SPATA20: variants seen among roughly 807,000 people sequenced by gnomAD.
SPATA20 encodes the protein spermatogenesis-associated protein 20.
Under a neutral mutation model 98.9 loss-of-function variants are expected in SPATA20, and 74 were observed. That is an observed-to-expected ratio of 0.75 (90% CI 0.62 to 0.91). The LOEUF (loss-of-function observed/expected upper bound fraction) is 0.91, where lower values mean the gene tolerates loss of function less well. Among genes scored for constraint, SPATA20 ranks in the 40% least tolerant of loss-of-function variants. The pLI, the probability that SPATA20 is intolerant of heterozygous loss-of-function variation, is 0.00. For missense variants in SPATA20, 1,016 were observed against 1,069.8 expected (o/e 0.95, Z 0.70); for synonymous variants, 430 against 440.5 (o/e 0.98, Z 0.30).
intron 13 of SPATA20, 123 bp downstream of exon 13, chr17:50,551,802 G>A (rs960142239): frequency 7.8e-7 from 1 of 1,278,412 alleles, no homozygotes; most frequent in South Asian, 1.5e-5. Context: ...CTGTGAGTTT[G>A]TAGCTTCCCT....
intron 12 of SPATA20, 157 bp from the exon 13 acceptor site, chr17:50,551,354 G>A (rs1009890230): frequency 2.1e-5 from 24 of 1,168,712 alleles, no homozygotes; most frequent in Middle Eastern, 2.7e-4. Context: ...AAGGTCACGC[G>A]CAAGGGCTGG....
chr17:50,551,048 G>A lies in SPATA20; in HGVS notation c.1434G>A (p.Ser478=), dbSNP rs747156020. The stretch of plus-strand genomic sequence containing the variant: ...AGAATGTGCTGACCGTCCGGTACTC[G>A]CTGGAGCTGACTGCTGCCCGCTTTG... ...QGQNVLTVRY[S]LELTAARFGL... Residue 478 remains serine, a synonymous_variant, in exon 12 of 17, where the codon TCG becomes TCA. Transcript: ENST00000006658. The A allele has an allele frequency of 6.2e-6, 10 of 1,613,310 alleles. No individual in the cohort carries two copies. Among genetic ancestry groups the A allele is most frequent in the South Asian group, 5.5e-5 (5 of 91,086 alleles).
rs1385984088 is a variant in SPATA20 at position 50,547,226 on chromosome 17, C to T, written c.18C>T (p.Ala6=). Residue 6 remains alanine (A), a synonymous_variant, in exon 1 of 17, where the codon GCC becomes GCT. Coordinates refer to ENST00000006658, the MANE Select transcript of SPATA20 (RefSeq NM_022827.4). MLGAR[A]WLGRVLLLPR... Reference sequence around the variant, plus strand: ...GAGCAGCCATGCTGGGCGCGCGGGCCTGGTTGGGCCGCGTCCTTCTGCTGC... The same window carrying T: ...GAGCAGCCATGCTGGGCGCGCGGGCTTGGTTGGGCCGCGTCCTTCTGCTGC... 5 of 1,416,778 alleles carry T rather than the reference C, an allele frequency of 3.5e-6. No individual in the cohort carries two copies. Among genetic ancestry groups the T allele is most frequent in the Non-Finnish European group, 4.6e-6 (5 of 1,095,344 alleles). 87.8% of individuals were successfully genotyped at this position (1,416,778 alleles called of 1,614,324 possible). A position where few individuals can be genotyped will look rare whatever the true frequency, so the allele number is the denominator to read the frequency against.
chr17:50,552,315 A>AAT (rs1239843405), intron 14 of SPATA20, 135 bp downstream of exon 14: 2 of 694,824 alleles, frequency 2.9e-6, no homozygotes, highest in Non-Finnish European at 4.7e-6. Context: ...TGGCTGCTGT[A>AAT]ATATTTCTGT....
rs146830271 is a variant in SPATA20, at chr17:50,548,308, C to T, written c.151C>T (p.Arg51Ter). ...SRGSSSRDKD[R>*]SATVSSSVPM... ...GGGTAGCTCCTCCCGGGACAAGGAC[C>T]GAAGTGCGACGGTCAGTAGTTCAGT... The change falls in exon 3 of 17, where the codon CGA becomes TGA. Residue 51 changes from arginine (R) to a stop codon, truncating the protein, a stop_gained. Transcript: ENST00000006658. LOFTEE classifies it high-confidence loss of function. 1.8e-4 allele frequency: 296 copies of T among 1,613,608 alleles called. 1 individual carries two copies. Among genetic ancestry groups the T allele is most frequent in the African/African-American group, 1.7e-3 (127 of 74,982 alleles).
In SPATA20 at chr17:50,550,532, T is replaced by C; in HGVS notation, c.1099-4T>C. The C allele has an allele frequency of 6.2e-7, 1 of 1,613,980 alleles. No individual in the cohort carries two copies. Among genetic ancestry groups the C allele is most frequent in the Non-Finnish European group, 8.5e-7 (1 of 1,179,860 alleles). On this transcript the variant is annotated splice_polypyrimidine_tract_variant and splice_region_variant and intron_variant, in intron 9 of 16. Transcript: ENST00000006658. Reference sequence around the variant, plus strand: ...TTCACAGTCTCCTTTCTTCCCTTTCTTAGCTCTCTGGTGATGAATTCTACT... The same window carrying C: ...TTCACAGTCTCCTTTCTTCCCTTTCCTAGCTCTCTGGTGATGAATTCTACT...
rs1033189592 is a variant in SPATA20 at position 50,549,045 on chromosome 17, C to T, written c.519C>T (p.Ala173=). ...VDKVYMTFVQ[A]TSSGGGWPMN... is the part of the protein sequence containing the mutation. ...CACCCTCGCCCTCTCTCCGCCAGGC[C>T]ACCAGCAGCGGCGGGGGCTGGCCCA... Residue 173 remains alanine, a splice_region_variant and synonymous_variant, in exon 6 of 17, where the codon GCC becomes GCT. Coordinates refer to ENST00000006658, the MANE Select transcript of SPATA20 (RefSeq NM_022827.4). The T allele has an allele frequency of 3.1e-6, 5 of 1,613,782 alleles. No homozygotes were observed. Among genetic ancestry groups the T allele is most frequent in the Middle Eastern group, 1.6e-4 (1 of 6,062 alleles).
chr17:50,555,249 C>T lies in SPATA20; in HGVS notation c.2175C>T (p.Asp725=), dbSNP rs1347786138. 3.7e-6 allele frequency: 6 copies of T among 1,613,794 alleles called. No individual in the cohort carries two copies. The African/African-American group carries it at 8.0e-5, about 22-fold the overall frequency. The part of the protein sequence containing the change: ...QTLKQIVICG[D]RQAKDTKALV... ...CCGGTCAGATCGTGATCTGTGGAGA[C>T]CGTCAGGCCAAGGACACCAAGGCCC... The change falls in exon 16 of 17, where the codon GAC becomes GAT. Residue 725 remains aspartate (D), a synonymous_variant. Coordinates refer to ENST00000006658, the MANE Select transcript of SPATA20 (RefSeq NM_022827.4).
chr17:50,548,643 T>C (rs1037637854), intron 4 of SPATA20, 25 bp downstream of exon 4: 2 of 1,609,734 alleles, frequency 1.2e-6, no homozygotes, highest in African/African-American at 1.3e-5. Context: ...TTCCCTGATG[T>C]GGGGGTGTGG....
chr17:50,549,089 C>G lies in SPATA20; in HGVS notation c.563C>G (p.Pro188Arg), dbSNP rs1357424054. 6.2e-7 allele frequency: 1 copy of G among 1,613,642 alleles called. No homozygotes were observed. Among genetic ancestry groups the G allele is most frequent in the Non-Finnish European group, 8.5e-7 (1 of 1,179,970 alleles). The change falls in exon 6 of 17, where the codon CCC (proline) becomes CGC (arginine). Residue 188 changes from proline to arginine, a missense_variant. Physicochemically the swap from Pro to Arg is moderately radical, Grantham distance 103 (BLOSUM62 -2). Coordinates refer to ENST00000006658, the MANE Select transcript of SPATA20 (RefSeq NM_022827.4). ...GGWPMNVWLT[P>R]NLQPFVGGTY... ...TGGCCCATGAATGTGTGGCTGACTCCCAACCTCCAGCCCTTTGTCGGGGGC... is the reference window on the plus strand; with the variant it reads ...TGGCCCATGAATGTGTGGCTGACTCGCAACCTCCAGCCCTTTGTCGGGGGC...
chr17:50,554,549 C>A, intron 15 of SPATA20, 99 bp downstream of exon 15: 1 of 1,265,938 alleles, frequency 7.9e-7, no homozygotes, highest in Non-Finnish European at 1.1e-6. Flanking sequence ...GGGCTGTCCC[C>A]AGAGCTCAGG....
Position 50,547,235 on chromosome 17 carries a change from C to A in SPATA20, c.27C>A (p.Gly9=). Residue 9 remains glycine (G), a synonymous_variant, in exon 1 of 17, where the codon GGC becomes GGA. Transcript: ENST00000006658. MLGARAWL[G]RVLLLPRAGA... ...TGCTGGGCGCGCGGGCCTGGTTGGG[C>A]CGCGTCCTTCTGCTGCCCCGCGCCG... The A allele has an allele frequency of 1.4e-6, 2 of 1,408,212 alleles. No homozygotes were observed. The highest frequency in any genetic ancestry group is 3.1e-5 in the South Asian group (2 of 64,386). The allele number at this position is 1,408,212 out of a possible 1,614,324, so 87.2% of individuals were successfully genotyped here.
chr17:50,554,458 G>C lies in SPATA20; in HGVS notation c.2157+8G>C, dbSNP rs1191275365. ...CAGCAGACCCTCAAGCAGGTGGGGG[G>C]TGAGGGCATCTGGGCTGGGACCTCG... On this transcript the variant is annotated splice_region_variant and intron_variant, in intron 15 of 16. Coordinates refer to ENST00000006658, the MANE Select transcript of SPATA20 (RefSeq NM_022827.4). The C allele has an allele frequency of 3.1e-6, 5 of 1,608,958 alleles. No individual in the cohort carries two copies. The East Asian group carries it at 6.7e-5, about 22-fold the overall frequency.
At position 50,551,356 on chromosome 17, in the gene SPATA20, A is replaced by C. The variant is rs2035012426; in HGVS notation, c.1577-155A>C. The C allele has an allele frequency of 3.4e-6, 4 of 1,173,202 alleles. No individual in the cohort carries two copies. The Admixed American group carries it at 7.6e-5, about 22-fold the overall frequency. The allele number at this position is 1,173,202 out of a possible 1,614,324, so 72.7% of individuals were successfully genotyped here. A position where few individuals can be genotyped will look rare whatever the true frequency, so the allele number is the denominator to read the frequency against. On this transcript the variant is annotated intron_variant, in intron 12 of 16. Coordinates refer to ENST00000006658, the MANE Select transcript of SPATA20 (RefSeq NM_022827.4). ...GAGTAACCCGCCCAAGGTCACGCGC[A>C]AGGGCTGGGAACCCCGCCATGTCTG...
rs758481811 is a variant in SPATA20, at chr17:50,554,216, C to T, written c.1958-35C>T. 3.7e-6 allele frequency: 6 copies of T among 1,604,778 alleles called. No homozygotes were observed. The East Asian group carries it at 1.3e-4, about 36-fold the overall frequency. ...GGGTCCTGGGACTCAGTGACCTGCC[C>T]TTACCCCCACCCCCTGCCTCCCTAT... On this transcript the variant is annotated intron_variant, in intron 14 of 16. Transcript: ENST00000006658.
At chr17:50,552,246 G>A in intron 14 of SPATA20, 66 bp downstream of exon 14, 1 of 1,390,264 alleles carries the variant, frequency 7.2e-7, no homozygotes. Context: ...GTGAAGAGCT[G>A]GTGTGGGCAG....
rs2035095490 is a variant in SPATA20, at chr17:50,555,274, C to T, written c.2200C>T (p.Leu734=). 6 of 1,613,926 alleles carry T rather than the reference C, an allele frequency of 3.7e-6. No homozygotes were observed. The South Asian group carries it at 6.6e-5, about 18-fold the overall frequency. The change falls in exon 16 of 17, where the codon CTG becomes TTG. Residue 734 remains leucine, a synonymous_variant. Transcript: ENST00000006658. ...GDRQAKDTKA[L]VQCVHSVYIP... is the part of the protein sequence containing the mutation. ...CCGTCAGGCCAAGGACACCAAGGCCCTGGTGCAGTGCGTCCACTCTGTCTA... is the reference window on the plus strand; with the variant it reads ...CCGTCAGGCCAAGGACACCAAGGCCTTGGTGCAGTGCGTCCACTCTGTCTA...
intron 11 of SPATA20, 22 bp from the exon 12 acceptor site, chr17:50,550,976 A>G (rs745773823): frequency 1.2e-6 from 2 of 1,612,526 alleles, no homozygotes; most frequent in Non-Finnish European, 1.7e-6. Context: ...GTGAGCTCGC[A>G]GACAAAGGCC....
Position 50,550,032 on chromosome 17 carries a change from C to A in SPATA20, c.910C>A (p.Gln304Lys). The A allele has an allele frequency of 6.3e-7, 1 of 1,593,042 alleles. No individual in the cohort carries two copies. Among genetic ancestry groups the A allele is most frequent in the Non-Finnish European group, 8.6e-7 (1 of 1,165,554 alleles). Residue 304 changes from glutamine (Q) to lysine (K), a missense_variant, in exon 8 of 17, where the codon CAG becomes AAG. Gln to Lys is a moderately conservative substitution (Grantham distance 53, BLOSUM62 1). Coordinates refer to ENST00000006658, the MANE Select transcript of SPATA20 (RefSeq NM_022827.4). ...FSYWLSHRLT[Q>K]DGSRAQQMAL... ...CTACTGGCTCAGCCATCGACTGACT[C>A]AGGATGGCTCTCGGGCCCAGCAGAT...
Sources: allele counts gnomAD v4.1 joint callset, GRCh38; gene constraint gnomAD v4.1.1; transcripts MANE v1.5; gene names NCBI Gene and HGNC (gene_info 2026-07-23, HGNC 2026-07-21).